EVI5: variants seen among roughly 807,000 people sequenced by gnomAD.
EVI5 encodes ecotropic viral integration site 5.
A neutral mutation model predicts 112.0 loss-of-function variants in EVI5; 73 were observed. The ratio of observed to expected loss-of-function variants is 0.65; its 90% CI spans 0.54 to 0.79. The LOEUF (loss-of-function observed/expected upper bound fraction) is 0.79. EVI5 is among the 30% of genes least tolerant of loss of function. EVI5 has a pLI of 0.00. For missense variants in EVI5, 900 were observed against 968.8 expected (o/e 0.93, Z 0.94); for synonymous variants, 305 against 319.9 (o/e 0.95, Z 0.50).
chr1:92,741,840 C>G lies in EVI5; in HGVS notation c.-81-5213G>C, dbSNP rs1570705844. Reference sequence around the variant, plus strand: ...CTCTTAAATCACAATGGATTGAAGACCTAAATAATAGAACTAAAACTATAA... The same window carrying G: ...CTCTTAAATCACAATGGATTGAAGAGCTAAATAATAGAACTAAAACTATAA... On this transcript the variant is annotated intron_variant, in intron 1 of 19. Coordinates refer to ENST00000684568, the MANE Select transcript of EVI5 (RefSeq NM_001350197.2). Among the ~76,000 whole-genome samples the G allele has an allele frequency of 2.6e-5, 4 of 151,900 alleles. No homozygotes were observed. The East Asian group carries it at 7.7e-4, about 29-fold the overall frequency.
Position 92,713,323 on chromosome 1 carries a change from C to T in EVI5, c.150-8579G>A, listed in dbSNP as rs972894634. 4.0e-5 allele frequency among the ~76,000 whole-genome samples: 6 copies of T among 151,050 alleles called. No individual in the cohort carries two copies. The South Asian group carries it at 8.4e-4, about 21-fold the overall frequency. ...ACAATACTAGTATTGTCTAGTATTG[C>T]CTTTTCTTTTTTCATTTTATGGTAG... On this transcript the variant is annotated intron_variant, in intron 2 of 19. Transcript: ENST00000684568.
intron 1 of EVI5, among the ~76,000 whole-genome samples, chr1:92,742,367 C>T (rs1346431872): frequency 1.3e-5 from 2 of 151,886 alleles, no homozygotes; most frequent in Non-Finnish European, 1.5e-5. Context: ...GCTAACATCA[C>T]CAATCATTAA....
At chr1:92,542,115 C>T (rs1182316202) in intron 19 of EVI5, among the ~76,000 whole-genome samples, 1 of 152,228 alleles carries the variant, frequency 6.6e-6, no homozygotes, top group African/African-American at 2.4e-5. Context: ...GCATTTTACT[C>T]ACAGTAGAAC....
At chr1:92,535,563 G>A (rs183560761) in intron 19 of EVI5, among the ~76,000 whole-genome samples, 3,104 of 152,228 alleles carry the variant, frequency 0.02, 120 homozygotes, top group African/African-American at 0.07. Flanking sequence ...ATACACCATG[G>A]AATACCTTGC....
At chr1:92,718,729 C>T (rs1674214438) in intron 2 of EVI5, among the ~76,000 whole-genome samples, 1 of 151,888 alleles carries the variant, frequency 6.6e-6, no homozygotes, top group African/African-American at 2.4e-5. Flanking sequence ...ACAAAAAACC[C>T]TTCAAAAAAA....
At chr1:92,647,777 T>C (rs922948134) in intron 13 of EVI5, 7 of 171,686 alleles carry the variant, frequency 4.1e-5, no homozygotes, top group Non-Finnish European at 7.5e-5. Context: ...TTTCTCCCTG[T>C]CGCCCAGGCT....
chr1:92,663,958 G>A (rs1208155702), intron 11 of EVI5, among the ~76,000 whole-genome samples: 1 of 152,158 alleles, frequency 6.6e-6, no homozygotes, highest in Non-Finnish European at 1.5e-5. Context: ...ATGTTACCCA[G>A]GCCAATCTTG....
rs930704864 is a variant in EVI5 at position 92,785,046 on chromosome 1, A to G, written c.-292T>C. The G allele has an allele frequency of 3.0e-6, 3 of 985,564 alleles. No individual in the cohort carries two copies. The highest frequency in any genetic ancestry group is 3.6e-6 in the Non-Finnish European group (3 of 830,140). The allele number at this position is 985,564 out of a possible 1,614,324, so 61.1% of individuals were successfully genotyped here. ...CACCGCCGCTGTCGGAACTGCAGCC[A>G]GCCCCTTGCCAGCTGGCCAGCTGGT... On this transcript the variant is annotated 5_prime_UTR_variant, in exon 1 of 20. Coordinates refer to ENST00000684568, the MANE Select transcript of EVI5 (RefSeq NM_001350197.2).
At chr1:92,766,405 T>C (rs1321063813) in intron 1 of EVI5, among the ~76,000 whole-genome samples, 1 of 151,992 alleles carries the variant, frequency 6.6e-6, no homozygotes, top group Non-Finnish European at 1.5e-5. Flanking sequence ...TCCTTAAAAA[T>C]ACAAATTCAG....
intron 1 of EVI5, among the ~76,000 whole-genome samples, chr1:92,747,451 T>A (rs1251896747): frequency 6.6e-6 from 1 of 151,980 alleles, no homozygotes; most frequent in Admixed American, 6.6e-5. Context: ...TGGTGGCTCA[T>A]GCCTGTAATC....
chr1:92,554,226 T>C (rs772722112), intron 19 of EVI5, among the ~76,000 whole-genome samples: 4 of 152,316 alleles, frequency 2.6e-5, no homozygotes, highest in Middle Eastern at 3.4e-3. Flanking sequence ...AGATGTTAGG[T>C]TCTCATCTGA....
In EVI5 at chr1:92,704,536, C is replaced by T. The variant is rs750747948; in HGVS notation, c.339+19G>A. On this transcript the variant is annotated intron_variant, in intron 3 of 19. Coordinates refer to ENST00000684568, the MANE Select transcript of EVI5 (RefSeq NM_001350197.2). Reference sequence around the variant, plus strand: ...CACTATGGAATAAGAATAAGAACTTCAACAAAGAACATGAATACCTTAACT... The same window carrying T: ...CACTATGGAATAAGAATAAGAACTTTAACAAAGAACATGAATACCTTAACT... 2 of 1,494,752 alleles carry T rather than the reference C, an allele frequency of 1.3e-6. No individual in the cohort carries two copies. Among genetic ancestry groups the T allele is most frequent in the Non-Finnish European group, 1.8e-6 (2 of 1,109,578 alleles). 92.6% of individuals were successfully genotyped at this position (1,494,752 alleles called of 1,614,324 possible). A position where few individuals can be genotyped will look rare whatever the true frequency, so the allele number is the denominator to read the frequency against.
At chr1:92,526,410 G>A (rs1247527066) in intron 19 of EVI5, among the ~76,000 whole-genome samples, 1 of 152,162 alleles carries the variant, frequency 6.6e-6, no homozygotes, top group African/African-American at 2.4e-5. Flanking sequence ...CATCTGAAAA[G>A]CCTAATTAGA....
At chr1:92,722,313 TA>T (rs1355879518) in intron 2 of EVI5, among the ~76,000 whole-genome samples, 8 of 152,186 alleles carry the variant, frequency 5.3e-5, no homozygotes, top group African/African-American at 1.7e-4. Context: ...ATCTTTTTTT[TA>T]AATTTTATTA....
intron 18 of EVI5, among the ~76,000 whole-genome samples, chr1:92,592,400 C>A (rs970148901): frequency 5.9e-5 from 9 of 152,298 alleles, no homozygotes; most frequent in East Asian, 1.9e-4. Context: ...ATACCAGAAT[C>A]TCTGGGACAC....
At chr1:92,746,894 C>CA (rs34342037) in intron 1 of EVI5, among the ~76,000 whole-genome samples, 8 of 128,316 alleles carry the variant, frequency 6.2e-5, no homozygotes, top group East Asian at 2.3e-4. Context: ...GACTCTGGTT[C>CA]AAAAAAAAAA....
chr1:92,593,400 G>C (rs1225481390), intron 18 of EVI5, among the ~76,000 whole-genome samples: 4 of 152,114 alleles, frequency 2.6e-5, no homozygotes, highest in Admixed American at 1.3e-4. Context: ...CAATAAATTA[G>C]GTATTGATGG....
chr1:92,682,121 T>C (rs916140205), intron 9 of EVI5, among the ~76,000 whole-genome samples: 4 of 152,084 alleles, frequency 2.6e-5, no homozygotes, highest in African/African-American at 9.7e-5. Flanking sequence ...CTCTCACTGG[T>C]TTTCTATTCC....
At chr1:92,790,730 G>T (rs1686033955) in intron 1 of EVI5, among the ~76,000 whole-genome samples, 1 of 151,132 alleles carries the variant, frequency 6.6e-6, no homozygotes, top group South Asian at 2.1e-4. Context: ...AAGGTGGGAA[G>T]ATCACTTGAG....
Sources: gnomAD v4.1 joint callset for allele counts (sites outside exome capture counted in the v4.1 genomes callset) on GRCh38, gnomAD v4.1.1 for gene constraint, MANE v1.5 for transcripts, NCBI Gene and HGNC (gene_info 2026-07-23, HGNC 2026-07-21) for gene names.